The following NOTCH2 variants were observed in gnomAD, a reference collection of about 807,000 sequenced individuals.
NOTCH2 encodes neurogenic locus notch homolog protein 2.
A neutral mutation model predicts 235.8 loss-of-function variants in NOTCH2; 29 were observed. The ratio of observed to expected loss-of-function variants is 0.12; its 90% CI spans 0.09 to 0.17. The LOEUF is 0.17. Ranked by LOEUF, NOTCH2 falls within the 10% of genes least tolerant of loss-of-function variation. The pLI is 1.00. For synonymous variants in NOTCH2, 1,086 were observed against 1,141.5 expected (o/e 0.95, Z 0.98); for missense variants, 2,285 against 3,150.2 (o/e 0.73, Z 6.57).
intron 12 of NOTCH2, among the ~76,000 whole-genome samples, chr1:119,955,926 G>A (rs1650679644): frequency 6.6e-6 from 1 of 152,144 alleles, no homozygotes; most frequent in Non-Finnish European, 1.5e-5. Flanking sequence ...TTTAAGTGGA[G>A]ATTCCTAGGC....
chr1:119,937,789 C>G, intron 20 of NOTCH2, 68 bp downstream of exon 20: 2 of 1,582,610 alleles, frequency 1.3e-6, no homozygotes, highest in South Asian at 1.1e-5. Flanking sequence ...AAAATGATAC[C>G]TTCTCTAAAT....
Position 120,069,544 on chromosome 1 carries a change from G to C in NOTCH2, c.-138C>G, listed in dbSNP as rs1440682782. ...GGCTCAGGCCCTGGCGCTACGCTCC[G>C]AAGCCCAGGCGCAAATGCCTCGACT... On this transcript the variant is annotated 5_prime_UTR_variant, in exon 1 of 34. Transcript: ENST00000256646. 12 of 1,416,678 alleles carry C rather than the reference G, an allele frequency of 8.5e-6. No individual in the cohort carries two copies. Among genetic ancestry groups the C allele is most frequent in the Non-Finnish European group, 1.1e-5 (12 of 1,093,984 alleles). The allele number at this position is 1,416,678 out of a possible 1,614,324, so 87.8% of individuals were successfully genotyped here. A position where few individuals can be genotyped will look rare whatever the true frequency, so the allele number is the denominator to read the frequency against.
At chr1:120,066,519 A>C (rs1222737215) in intron 1 of NOTCH2, among the ~76,000 whole-genome samples, 2 of 149,926 alleles carry the variant, frequency 1.3e-5, no homozygotes, top group Non-Finnish European at 3.0e-5. Flanking sequence ...ATCAATGCAA[A>C]TTTTGTGGGC....
chr1:120,014,341 G>T (rs1226534034), intron 2 of NOTCH2, among the ~76,000 whole-genome samples: 1 of 152,250 alleles, frequency 6.6e-6, no homozygotes, highest in East Asian at 1.9e-4. Flanking sequence ...AAGGCAAGCA[G>T]ATTGCTAGAG....
chr1:119,921,009 G>T (rs1272635101), intron 29 of NOTCH2, among the ~76,000 whole-genome samples: 2 of 152,334 alleles, frequency 1.3e-5, no homozygotes, highest in African/African-American at 4.8e-5. Context: ...ACAACTCACA[G>T]AGGAAAGGGT....
chr1:120,065,928 A>C (rs1361909001), intron 1 of NOTCH2, among the ~76,000 whole-genome samples: 4 of 151,860 alleles, frequency 2.6e-5, no homozygotes, highest in Non-Finnish European at 5.9e-5. Context: ...TCCTTATTCA[A>C]ATCACGCCTT....
intron 2 of NOTCH2, among the ~76,000 whole-genome samples, chr1:120,015,942 C>T (rs587654129): frequency 5.5e-5 from 7 of 126,980 alleles, no homozygotes; most frequent in Non-Finnish European, 8.2e-5. Context: ...TACTCTCAAC[C>T]CCCCCTTCTC....
chr1:119,954,854 A>G (rs1553198208), intron 13 of NOTCH2, among the ~76,000 whole-genome samples, 186 bp downstream of exon 13: 2 of 152,218 alleles, frequency 1.3e-5, no homozygotes, highest in Non-Finnish European at 2.9e-5. Context: ...GTCCTCACTT[A>G]TGGAAGGGAG....
In NOTCH2 at chr1:119,916,359, C is replaced by T. The variant is rs144047610; in HGVS notation, c.6363G>A (p.Lys2121=). The change falls in exon 34 of 34, where the codon AAG becomes AAA. Residue 2121 remains lysine (K), a synonymous_variant. Coordinates refer to ENST00000256646, the MANE Select transcript of NOTCH2 (RefSeq NM_024408.4). ...TMPTSLPNLA[K]EAKDAKGSRR... is the part of the protein sequence containing the mutation. ...TACTACCCTTGGCATCCTTTGCCTC[C>T]TTGGCAAGGTTAGGGAGGCTAGTAG... The T allele has an allele frequency of 1.2e-6, 2 of 1,614,174 alleles. No homozygotes were observed. Among genetic ancestry groups the T allele is most frequent in the Middle Eastern group, 1.6e-4 (1 of 6,062 alleles).
chr1:119,962,828 A>G (rs1466556933), intron 11 of NOTCH2, among the ~76,000 whole-genome samples: 1 of 152,182 alleles, frequency 6.6e-6, no homozygotes, highest in Non-Finnish European at 1.5e-5. Context: ...TGTGACCATA[A>G]TCATTCATCT....
intron 1 of NOTCH2, among the ~76,000 whole-genome samples, chr1:120,064,474 C>T (rs1209780397): frequency 1.3e-5 from 2 of 151,734 alleles, no homozygotes; most frequent in Admixed American, 6.6e-5. Flanking sequence ...CACTCCAACT[C>T]ACCATCAGCC....
At chr1:120,023,177 C>T (rs1653697338) in intron 2 of NOTCH2, among the ~76,000 whole-genome samples, 1 of 151,892 alleles carries the variant, frequency 6.6e-6, no homozygotes, top group Admixed American at 6.6e-5. Flanking sequence ...GTGGCTCACG[C>T]CTGTAATCCC....
At chr1:120,046,270 T>A (rs1654786719) in intron 1 of NOTCH2, among the ~76,000 whole-genome samples, 1 of 69,616 alleles carries the variant, frequency 1.4e-5, no homozygotes, top group Non-Finnish European at 2.8e-5. Context: ...TATAATCAGG[T>A]GCTTTGGAAG....
At chr1:119,936,595 T>G (rs1051206781) in intron 21 of NOTCH2, among the ~76,000 whole-genome samples, 3 of 152,144 alleles carry the variant, frequency 2.0e-5, no homozygotes, top group African/African-American at 7.2e-5. Context: ...TGTGAAGAAA[T>G]AAACAACCTA....
rs782672162 is a variant in NOTCH2 at position 120,005,477 on chromosome 1, C to A, written c.267G>T (p.Thr89=). The A allele has an allele frequency of 8.7e-6, 14 of 1,613,596 alleles. No homozygotes were observed. The highest frequency in any genetic ancestry group is 1.2e-5 in the Non-Finnish European group (14 of 1,179,814). ...CVAQAMLGKA[T]CRCASGFTGE... ...CTGTAAACCCTGAGGCACATCGGCA[C>A]GTGGCTTTCCCCAGCATGGCCTGGG... Residue 89 remains threonine, a synonymous_variant, in exon 3 of 34, where the codon ACG becomes ACT. Transcript: ENST00000256646.
chr1:120,065,183 A>G (rs2604037), intron 1 of NOTCH2, among the ~76,000 whole-genome samples: 6,024 of 151,790 alleles, frequency 0.04, no homozygotes, highest in East Asian at 0.11. Flanking sequence ...GGGAAGGGAA[A>G]AATTTGGTTT....
At chr1:119,981,131 C>T (rs10923932) in intron 5 of NOTCH2, among the ~76,000 whole-genome samples, 7,649 of 152,128 alleles carry the variant, frequency 0.05, 632 homozygotes, top group African/African-American at 0.17. Context: ...ACTTGGAAAA[C>T]TCATCTCCAA....
In NOTCH2 at chr1:119,925,286, G is replaced by A; in HGVS notation, c.4511+19C>T. Reference sequence around the variant, plus strand: ...TTAGTGACAGTCCCCTTCAGTTCTGGAAAACGTGAAGCCCTTACTTGCATG... The same window carrying A: ...TTAGTGACAGTCCCCTTCAGTTCTGAAAAACGTGAAGCCCTTACTTGCATG... On this transcript the variant is annotated intron_variant, in intron 25 of 33. Coordinates refer to ENST00000256646, the MANE Select transcript of NOTCH2 (RefSeq NM_024408.4). 6.2e-7 allele frequency: 1 copy of A among 1,613,026 alleles called. No individual in the cohort carries two copies.
rs1365284063 is a variant in NOTCH2 at position 119,941,834 on chromosome 1, C to T, written c.2753-80G>A. ...GATTCATAAAAGTGAATGACCTGAACTAAGTCATGCTGGGGGCAGCATAAT... is the reference window on the plus strand; with the variant it reads ...GATTCATAAAAGTGAATGACCTGAATTAAGTCATGCTGGGGGCAGCATAAT... On this transcript the variant is annotated intron_variant, in intron 17 of 33. Transcript: ENST00000256646. 3.7e-6 allele frequency: 4 copies of T among 1,092,050 alleles called. No homozygotes were observed. In the East Asian group the frequency reaches 9.8e-5, roughly 27 times the overall value. The allele number at this position is 1,092,050 out of a possible 1,614,324, so 67.6% of individuals were successfully genotyped here.
Sources: allele counts gnomAD v4.1 joint callset (sites outside exome capture counted in the v4.1 genomes callset), GRCh38; gene constraint gnomAD v4.1.1; transcripts MANE v1.5; gene names NCBI Gene and HGNC (gene_info 2026-07-23, HGNC 2026-07-21).